BMPR1B: variants seen among roughly 807,000 people sequenced by gnomAD.
The protein encoded by BMPR1B is bone morphogenetic protein receptor type 1B.
In BMPR1B, 12 loss-of-function variants were observed where a neutral mutation model predicts 59.1. That is an observed-to-expected ratio of 0.20 (90% CI 0.13 to 0.33). The LOEUF (loss-of-function observed/expected upper bound fraction) is 0.33, where lower values mean the gene tolerates loss of function less well. Ranked by LOEUF, BMPR1B falls within the 10% of genes least tolerant of loss-of-function variation. The pLI, the probability that BMPR1B is intolerant of heterozygous loss-of-function variation, is 1.00. For synonymous variants in BMPR1B, 237 were observed against 207.3 expected (o/e 1.14, Z -1.23); for missense variants, 550 against 610.9 (o/e 0.90, Z 1.05).
intron 1 of BMPR1B, among the ~76,000 whole-genome samples, chr4:94,798,914 G>C (rs754748585): frequency 1.3e-5 from 2 of 151,766 alleles, no homozygotes; most frequent in African/African-American, 4.8e-5. Flanking sequence ...CTTTCAGAAA[G>C]CAGCATCCAG....
chr4:95,129,492 T>C (rs1468257245), intron 8 of BMPR1B, among the ~76,000 whole-genome samples: 1 of 152,158 alleles, frequency 6.6e-6, no homozygotes, highest in East Asian at 1.9e-4. Flanking sequence ...TATACATGAT[T>C]AGGTGTATGG....
In BMPR1B at chr4:95,156,206, T is replaced by C. The variant is rs761043331; in HGVS notation, c.*1533T>C. 2 of 152,208 alleles carry C rather than the reference T, an allele frequency of 1.3e-5. No individual in the cohort carries two copies. Among genetic ancestry groups the C allele is most frequent in the Non-Finnish European group, 2.9e-5 (2 of 68,022 alleles). The allele number at this position is 152,208 out of a possible 1,614,324, so 9.4% of individuals were successfully genotyped here. A position where few individuals can be genotyped will look rare whatever the true frequency, so the allele number is the denominator to read the frequency against. On this transcript the variant is annotated 3_prime_UTR_variant, in exon 13 of 13. Transcript: ENST00000515059. ...ATGAATACAATACAGTTTAAAGTTGTACACATCCTGCTCAACTTTATTCAT... is the reference window on the plus strand; with the variant it reads ...ATGAATACAATACAGTTTAAAGTTGCACACATCCTGCTCAACTTTATTCAT...
At chr4:94,776,718 T>A (rs2110580059) in intron 1 of BMPR1B, among the ~76,000 whole-genome samples, 1 of 152,258 alleles carries the variant, frequency 6.6e-6, no homozygotes, top group South Asian at 2.1e-4. Context: ...TACCCCAGAG[T>A]CAGAATCCAT....
chr4:95,055,300 A>T (rs560393942), intron 3 of BMPR1B, among the ~76,000 whole-genome samples: 2 of 152,138 alleles, frequency 1.3e-5, no homozygotes, highest in Admixed American at 6.5e-5. Flanking sequence ...TTTTAGTATA[A>T]TCAGGGCAAA....
At chr4:95,015,986 G>A (rs1315123189) in intron 3 of BMPR1B, among the ~76,000 whole-genome samples, 1 of 152,004 alleles carries the variant, frequency 6.6e-6, no homozygotes, top group African/African-American at 2.4e-5. Context: ...CCACCGCGCC[G>A]GCTGGAACAT....
rs572879977 is a variant in BMPR1B, at chr4:95,006,871, A to G, written c.-18+10737A>G. Among the ~76,000 whole-genome samples, 4 of 152,128 alleles carry G rather than the reference A, an allele frequency of 2.6e-5. No homozygotes were observed. In the East Asian group the frequency reaches 7.7e-4, roughly 29 times the overall value. On this transcript the variant is annotated intron_variant, in intron 3 of 12. Transcript: ENST00000515059. ...CTGATTCTTAAAACTTTACAGTATAATATATGACTCTCTTTTAAAATAAGT... is the reference window on the plus strand; with the variant it reads ...CTGATTCTTAAAACTTTACAGTATAGTATATGACTCTCTTTTAAAATAAGT...
At chr4:94,881,412 A>C (rs550460807) in intron 2 of BMPR1B, among the ~76,000 whole-genome samples, 79 of 152,216 alleles carry the variant, frequency 5.2e-4, no homozygotes, top group Middle Eastern at 3.4e-3. Flanking sequence ...TCTTCAGCAG[A>C]AGAATTTGGC....
chr4:94,896,980 ACT>A (rs1316541011), intron 2 of BMPR1B, among the ~76,000 whole-genome samples: 1 of 152,044 alleles, frequency 6.6e-6, no homozygotes, highest in Non-Finnish European at 1.5e-5. Context: ...ATTTATTTAT[ACT>A]TTGGCTTGTT....
chr4:94,967,624 A>C (rs1730602295), intron 2 of BMPR1B, among the ~76,000 whole-genome samples: 1 of 152,076 alleles, frequency 6.6e-6, no homozygotes, highest in South Asian at 2.1e-4. Context: ...CTGGGATTAC[A>C]GGTGCACGCC....
rs571180384 is a variant in BMPR1B, at chr4:95,136,594, TA to T, written c.1076+5083del. ...TTATTGCCTCAATTTCAGAGCCTGT[TA>T]TTAGTCTATTCAGGGATTCAGCTTC... On this transcript the variant is annotated intron_variant, in intron 10 of 12. Coordinates refer to ENST00000515059, the MANE Select transcript of BMPR1B (RefSeq NM_001203.3). Among the ~76,000 whole-genome samples, 422 of 152,318 alleles carry T rather than the reference TA, an allele frequency of 2.8e-3. 2 individuals carry two copies. Among genetic ancestry groups the T allele is most frequent in the African/African-American group, 9.3e-3 (385 of 41,568 alleles).
chr4:94,780,443 A>G (rs1386108458), intron 1 of BMPR1B, among the ~76,000 whole-genome samples: 1 of 152,106 alleles, frequency 6.6e-6, no homozygotes, highest in African/African-American at 2.4e-5. Flanking sequence ...TGTGTTGTTT[A>G]TACTTTTTGG....
chr4:95,003,924 C>T (rs1454103269), intron 3 of BMPR1B, among the ~76,000 whole-genome samples: 2 of 145,476 alleles, frequency 1.4e-5, no homozygotes, highest in Non-Finnish European at 3.0e-5. Flanking sequence ...TCTTCTGCTT[C>T]AGCCTCATGA....
intron 2 of BMPR1B, among the ~76,000 whole-genome samples, chr4:94,965,915 A>G (rs1179947042): frequency 6.6e-6 from 1 of 152,196 alleles, no homozygotes; most frequent in East Asian, 1.9e-4. Context: ...GGAATTGGAA[A>G]AGACAAGGAA....
At chr4:94,830,385 ATAAG>A (rs1263583603) in intron 1 of BMPR1B, among the ~76,000 whole-genome samples, 3 of 152,202 alleles carry the variant, frequency 2.0e-5, no homozygotes, top group Non-Finnish European at 4.4e-5. Flanking sequence ...TGTTAGATAA[ATAAG>A]TGATTCATAT....
intron 1 of BMPR1B, among the ~76,000 whole-genome samples, chr4:94,828,354 G>T (rs1458169460): frequency 6.6e-6 from 1 of 151,820 alleles, no homozygotes; most frequent in Non-Finnish European, 1.5e-5. Flanking sequence ...TAATAATTTG[G>T]GTTATTTCCA....
Position 95,142,938 on chromosome 4 carries a change from A to T in BMPR1B, c.1077-5810A>T, listed in dbSNP as rs7694131. Among the ~76,000 whole-genome samples, 1,478 of 151,924 alleles carry T rather than the reference A, an allele frequency of 9.7e-3. 21 individuals are homozygous for T. The highest frequency in any genetic ancestry group is 0.027 in the African/African-American group (1,124 of 41,434). On this transcript the variant is annotated intron_variant, in intron 10 of 12. Coordinates refer to ENST00000515059, the MANE Select transcript of BMPR1B (RefSeq NM_001203.3). ...GAGGCTGAAGAGATACTATATTTTT[A>T]AAAAACTCCCCCTTACTCCTTGCCA...
rs113863290 is a variant in BMPR1B, at chr4:95,059,430, G to C, written c.-17-44978G>C. On this transcript the variant is annotated intron_variant, in intron 3 of 12. Coordinates refer to ENST00000515059, the MANE Select transcript of BMPR1B (RefSeq NM_001203.3). ...CCCGAGTGAAAAGATGTTCAAATTGGGGGAAGAGTCTAAAGGAGAAAGAGC... is the reference window on the plus strand; with the variant it reads ...CCCGAGTGAAAAGATGTTCAAATTGCGGGAAGAGTCTAAAGGAGAAAGAGC... Among the ~76,000 whole-genome samples, 862 of 152,096 alleles carry C rather than the reference G, an allele frequency of 5.7e-3. 3 individuals are homozygous for C. The highest frequency in any genetic ancestry group is 9.1e-3 in the Non-Finnish European group (622 of 67,992).
intron 2 of BMPR1B, among the ~76,000 whole-genome samples, chr4:94,876,582 AC>A (rs1215853102): frequency 6.6e-6 from 1 of 152,222 alleles, no homozygotes; most frequent in Admixed American, 6.5e-5. Context: ...AGATGTTAAA[AC>A]TGAAGCATTG....
chr4:94,760,581 C>G (rs866189163), intron 1 of BMPR1B, among the ~76,000 whole-genome samples: 1 of 152,328 alleles, frequency 6.6e-6, no homozygotes, highest in African/African-American at 2.4e-5. Context: ...CTACTCCAAC[C>G]TAGCAGAGCC....
Sources: allele counts gnomAD v4.1 joint callset (sites outside exome capture counted in the v4.1 genomes callset), GRCh38; gene constraint gnomAD v4.1.1; transcripts MANE v1.5; gene names NCBI Gene and HGNC (gene_info 2026-07-23, HGNC 2026-07-21).